The following RAD51B variants were observed in gnomAD, a reference collection of about 807,000 sequenced individuals.
RAD51B encodes RAD51 paralog B.
In RAD51B, 38 loss-of-function variants were observed where a neutral mutation model predicts 42.2. The ratio of observed to expected loss-of-function variants is 0.90; its 90% CI spans 0.70 to 1.18. The LOEUF is 1.18. Ranked by LOEUF, RAD51B falls within the 50% of genes most tolerant of loss-of-function variation. RAD51B has a pLI of 0.00. For missense variants in RAD51B, 373 were observed against 400.7 expected, an observed-to-expected ratio of 0.93 and a Z score of 0.59; for synonymous variants, 154 against 145.2, an observed-to-expected ratio of 1.06 and a Z score of -0.43.
At chr14:68,598,839 T>C (rs1444489843), downstream of RAD51B, among the ~76,000 whole-genome samples, 1 of 152,214 alleles carries the variant, frequency 6.6e-6, no homozygotes, top group Non-Finnish European at 1.5e-5. Flanking sequence ...TATTATTATT[T>C]GTTTGTTTTT....
At chr14:68,655,153 A>G (rs79733375) in intron 11 of RAD51B, among the ~76,000 whole-genome samples, 19 of 134,004 alleles carry the variant, frequency 1.4e-4, no homozygotes, top group Admixed American at 3.7e-4. Flanking sequence ...GTGTGTGTGT[A>G]TGTGTGTGCG....
chr14:67,820,955 A>G (rs553362215), intron 1 of RAD51B, among the ~76,000 whole-genome samples: 1 of 152,314 alleles, frequency 6.6e-6, no homozygotes, highest in South Asian at 2.1e-4. Flanking sequence ...TGTATGAGTG[A>G]GAAGGAAGTG....
At chr14:68,383,869 A>G (rs1055284410) in intron 8 of RAD51B, among the ~76,000 whole-genome samples, 2 of 152,200 alleles carry the variant, frequency 1.3e-5, no homozygotes, top group Middle Eastern at 3.4e-3. Context: ...ACACCTGATC[A>G]ACACTGGTTA....
intron 10 of RAD51B, among the ~76,000 whole-genome samples, chr14:68,504,703 A>G (rs1388737188): frequency 2.2e-5 from 2 of 89,760 alleles, no homozygotes; most frequent in Non-Finnish European, 4.5e-5. Context: ...TTCATTTTCA[A>G]TCATTCATTT....
intron 7 of RAD51B, among the ~76,000 whole-genome samples, chr14:68,184,813 T>C (rs1301732744): frequency 6.6e-6 from 1 of 152,220 alleles, no homozygotes; most frequent in Non-Finnish European, 1.5e-5. Flanking sequence ...GAAGATTTAT[T>C]CTTTCTAATG....
chr14:67,885,914 T>C lies in RAD51B; in HGVS notation c.498T>C (p.Thr166=). Reference sequence around the variant, plus strand: ...CCCGTTTTCCCAGATATTTTAACACTGAAGAAAAGTTACTTTTGACAAGTA... The same window carrying C: ...CCCGTTTTCCCAGATATTTTAACACCGAAGAAAAGTTACTTTTGACAAGTA... The part of the protein sequence containing the change: ...AESRFPRYFN[T]EEKLLLTSSK... The change falls in exon 6 of 11, where the codon ACT becomes ACC. Residue 166 remains threonine (T), a synonymous_variant. Coordinates refer to ENST00000471583, the MANE Select transcript of RAD51B (RefSeq NM_133510.4). 1 of 1,607,912 alleles carries C rather than the reference T, an allele frequency of 6.2e-7. No homozygotes were observed. The highest frequency in any genetic ancestry group is 8.5e-7 in the Non-Finnish European group (1 of 1,175,620).
intron 7 of RAD51B, among the ~76,000 whole-genome samples, chr14:67,979,022 T>TA (rs974217592): frequency 6.6e-6 from 1 of 152,202 alleles, no homozygotes; most frequent in African/African-American, 2.4e-5. Flanking sequence ...TTCCATATGC[T>TA]AAAAGCTAGT....
intron 7 of RAD51B, among the ~76,000 whole-genome samples, chr14:67,912,926 G>A (rs570265268): frequency 1.7e-4 from 26 of 152,126 alleles, no homozygotes; most frequent in Non-Finnish European, 2.8e-4. Flanking sequence ...GGCTGGTCTC[G>A]AACTCCTGAC....
At chr14:68,465,955 T>TAA (rs1240782454) in intron 9 of RAD51B, among the ~76,000 whole-genome samples, 50 of 34,742 alleles carry the variant, frequency 1.4e-3, no homozygotes, top group African/African-American at 7.4e-3. Context: ...AAAAAAAAAA[T>TAA]AAATAAATAA....
At chr14:68,582,151 G>C (rs904760561) in intron 10 of RAD51B, among the ~76,000 whole-genome samples, 13 of 152,194 alleles carry the variant, frequency 8.5e-5, no homozygotes, top group African/African-American at 2.4e-4. Flanking sequence ...AGTCAAAATT[G>C]ACAAATGGGA....
intron 7 of RAD51B, among the ~76,000 whole-genome samples, chr14:68,080,813 G>C (rs923109649): frequency 6.6e-6 from 1 of 152,178 alleles, no homozygotes; most frequent in Non-Finnish European, 1.5e-5. Flanking sequence ...CAGTTTAGTA[G>C]TCAATATCTG....
At chr14:68,225,831 C>T (rs2080026125) in intron 7 of RAD51B, among the ~76,000 whole-genome samples, 1 of 152,182 alleles carries the variant, frequency 6.6e-6, no homozygotes, top group Non-Finnish European at 1.5e-5. Context: ...GAGGCTTAAA[C>T]TGCAATATGA....
intron 4 of RAD51B, among the ~76,000 whole-genome samples, chr14:67,839,298 T>C (rs1053886049): frequency 2.0e-5 from 3 of 152,128 alleles, no homozygotes. Context: ...GTCTGAAAAA[T>C]TGTCTGATCT....
Position 68,354,404 on chromosome 14 carries a change from G to A in RAD51B, c.854-57020G>A, listed in dbSNP as rs570266780. Among the ~76,000 whole-genome samples the A allele has an allele frequency of 3.3e-4, 50 of 152,074 alleles. No homozygotes were observed. The South Asian group carries it at 9.2e-3, about 28-fold the overall frequency. ...GCTAATTTTTACTGTTAGTAGAGAC[G>A]AGGTTTCACCATGTTAGCCAGGATG... On this transcript the variant is annotated intron_variant, in intron 8 of 10. Transcript: ENST00000471583.
intron 9 of RAD51B, among the ~76,000 whole-genome samples, chr14:68,465,949 AAAAAATAAATAAATAAAT>A (rs2085969088): frequency 2.0e-5 from 2 of 99,970 alleles, no homozygotes; most frequent in South Asian, 3.2e-4. Context: ...TCAAAAAAAA[AAAAAATAAATAAATAAAT>A]AAATAAATAA....
chr14:68,045,362 C>T (rs997054511), intron 7 of RAD51B, among the ~76,000 whole-genome samples: 3 of 150,772 alleles, frequency 2.0e-5, no homozygotes, highest in African/African-American at 7.3e-5. Context: ...GCTCTTGTTT[C>T]ATACTTCTTA....
At chr14:67,999,928 G>A (rs1309749262) in intron 7 of RAD51B, among the ~76,000 whole-genome samples, 2 of 152,008 alleles carry the variant, frequency 1.3e-5, no homozygotes, top group African/African-American at 4.8e-5. Context: ...TAAAACGTGG[G>A]GAAGGCTGTA....
At chr14:68,098,222 A>G (rs2140540090) in intron 7 of RAD51B, among the ~76,000 whole-genome samples, 1 of 152,366 alleles carries the variant, frequency 6.6e-6, no homozygotes, top group Non-Finnish European at 1.5e-5. Flanking sequence ...GACTGAATAT[A>G]GAATAGAATA....
chr14:68,242,185 C>T (rs944853815), intron 7 of RAD51B, among the ~76,000 whole-genome samples: 16 of 152,208 alleles, frequency 1.1e-4, no homozygotes, highest in African/African-American at 2.9e-4. Context: ...TGTAAAGATG[C>T]ATTTGTTTTC....
Sources: allele counts gnomAD v4.1 joint callset (sites outside exome capture counted in the v4.1 genomes callset), GRCh38; gene constraint gnomAD v4.1.1; transcripts MANE v1.5; gene names NCBI Gene and HGNC (gene_info 2026-07-23, HGNC 2026-07-21).